Variants in MX2 observed in about 807,000 individuals in gnomAD.
MX2 encodes the protein MX dynamin like GTPase 2, also known as interferon-induced GTP-binding protein Mx2.
In MX2, 51 loss-of-function variants were observed where a neutral mutation model predicts 74.0. The ratio of observed to expected loss-of-function variants is 0.69; its 90% CI spans 0.55 to 0.87. The LOEUF is 0.87. MX2 is among the 40% of genes least tolerant of loss of function. The probability of loss-of-function intolerance (pLI) is 0.00; values close to 1 mark genes in which losing one functional copy is unlikely to be tolerated. For missense variants in MX2, 832 were observed against 908.7 expected (o/e 0.92, Z 1.09); for synonymous variants, 369 against 339.3 (o/e 1.09, Z -0.96).
rs1378862046 is a variant in MX2 at position 41,379,685 on chromosome 21, G to A, written c.443-332G>A. Among the ~76,000 whole-genome samples, 3 of 152,196 alleles carry A rather than the reference G, an allele frequency of 2.0e-5. No individual in the cohort carries two copies. The East Asian group carries it at 5.8e-4, about 29-fold the overall frequency. ...ACGGGGAGCCTGGACATGTACCGGA[G>A]CCCCAGCATCTGCCTCCATCACTTC... On this transcript the variant is annotated intron_variant, in intron 3 of 13. Transcript: ENST00000330714.
chr21:41,407,880 G>A, intron 13 of MX2, 111 bp from the exon 14 acceptor site: 1 of 1,425,126 alleles, frequency 7.0e-7, no homozygotes, highest in Non-Finnish European at 9.6e-7. Flanking sequence ...GAGACCACCA[G>A]GGCTTCGCCA....
In MX2 at chr21:41,399,700, G is replaced by A. The variant is rs2089785994; in HGVS notation, c.1414+363G>A. 2.7e-5 allele frequency: 5 copies of A among 187,898 alleles called. No homozygotes were observed. The South Asian group carries it at 5.7e-4, about 21-fold the overall frequency. 11.6% of individuals were successfully genotyped at this position (187,898 alleles called of 1,614,324 possible). On this transcript the variant is annotated intron_variant, in intron 10 of 13. Coordinates refer to ENST00000330714, the MANE Select transcript of MX2 (RefSeq NM_002463.2). The stretch of plus-strand genomic sequence containing the variant: ...CCCACCTCAGCCTCCTGAGTAGTTG[G>A]GACCACAGGCATGAACCACCATACC...
In MX2 at chr21:41,395,533, C is replaced by T. The variant is rs1362189803; in HGVS notation, c.872-54C>T. ...AGCCCATAGTCCAGTAGGAGTCAAA[C>T]CTGTTTGAGGGGATCACTGACCTTT... is the stretch of plus-strand genomic sequence containing the variant. On this transcript the variant is annotated intron_variant, in intron 6 of 13. Coordinates refer to ENST00000330714, the MANE Select transcript of MX2 (RefSeq NM_002463.2). The T allele has an allele frequency of 1.4e-5, 22 of 1,577,360 alleles. No homozygotes were observed. In the South Asian group the frequency reaches 2.2e-4, roughly 16 times the overall value.
chr21:41,408,317 G>C lies in MX2; in HGVS notation c.*84G>C. On this transcript the variant is annotated 3_prime_UTR_variant, in exon 14 of 14. Transcript: ENST00000330714. ...GGTGCAGGATGCCGCTTCTGCTTTG[G>C]GGCCAAACTCTTCTGTCACTATCAG... The C allele has an allele frequency of 6.5e-7, 1 of 1,539,728 alleles. No individual in the cohort carries two copies. The highest frequency in any genetic ancestry group is 1.2e-5 in the South Asian group (1 of 80,456).
At chr21:41,390,485 A>ATGCC (rs1470465559) in intron 5 of MX2, 80 bp from the exon 6 acceptor site, 4 of 1,586,822 alleles carry the variant, frequency 2.5e-6, no homozygotes, top group Middle Eastern at 1.7e-4. Flanking sequence ...TTGCGCCATC[A>ATGCC]TGCCTGCCTG....
rs190909410 is a variant in MX2, at chr21:41,379,637, A to G, written c.443-380A>G. Among the ~76,000 whole-genome samples the G allele has an allele frequency of 3.6e-3, 541 of 152,134 alleles. 2 individuals carry two copies. Among genetic ancestry groups the G allele is most frequent in the African/African-American group, 0.012 (491 of 41,496 alleles). ...ACAGGGCCTGGGGCAGACACCTGAC[A>G]TGCTGACTCCAGCTGCAGAAAGACG... On this transcript the variant is annotated intron_variant, in intron 3 of 13. Coordinates refer to ENST00000330714, the MANE Select transcript of MX2 (RefSeq NM_002463.2).
Position 41,376,984 on chromosome 21 carries a change from G to T in MX2, c.78G>T (p.Met26Ile). 2 of 1,614,110 alleles carry T rather than the reference G, an allele frequency of 1.2e-6. No individual in the cohort carries two copies. The highest frequency in any genetic ancestry group is 2.2e-5 in the South Asian group (2 of 91,082). The change falls in exon 2 of 14, where the codon ATG becomes ATT. Residue 26 changes from methionine to isoleucine, a missense_variant. By Grantham distance (10) the Met-to-Ile change is conservative (BLOSUM62 1). Coordinates refer to ENST00000330714, the MANE Select transcript of MX2 (RefSeq NM_002463.2). ...FSSRKYLKKEMNSFQQQPPPF... is the reference protein window; with the variant it reads ...FSSRKYLKKEINSFQQQPPPF... ...CTCGAAAATACCTGAAAAAAGAAAT[G>T]AATTCCTTCCAGCAACAGCCACCGC... is the stretch of plus-strand genomic sequence containing the variant.
intron 1 of MX2, chr21:41,367,054 C>T (rs1009572618): frequency 6.6e-6 from 1 of 152,234 alleles, no homozygotes; most frequent in South Asian, 2.1e-4. Context: ...CACGTGAGAA[C>T]TAAGGGCCGC....
intron 5 of MX2, among the ~76,000 whole-genome samples, chr21:41,389,056 G>A (rs1197229110): frequency 6.6e-6 from 1 of 152,154 alleles, no homozygotes; most frequent in Non-Finnish European, 1.5e-5. Context: ...GCAGACATCA[G>A]CAGGACAGCC....
At chr21:41,399,074 C>T (rs1374521895) in intron 9 of MX2, 55 bp downstream of exon 9, 2 of 1,596,706 alleles carry the variant, frequency 1.3e-6, no homozygotes, top group East Asian at 2.2e-5. Context: ...GGTGGCCCTG[C>T]AGCTGCCCTT....
rs185117959 is a variant in MX2, at chr21:41,408,267, G to C, written c.*34G>C. 1 of 1,608,720 alleles carries C rather than the reference G, an allele frequency of 6.2e-7. No homozygotes were observed. The highest frequency in any genetic ancestry group is 1.3e-5 in the African/African-American group (1 of 74,842). ...GATGCCTGTGGTTGTTTTCTTGTGC[G>C]TACTCATTCATTCTAAGGGGAGTCG... On this transcript the variant is annotated 3_prime_UTR_variant, in exon 14 of 14. Coordinates refer to ENST00000330714, the MANE Select transcript of MX2 (RefSeq NM_002463.2).
intron 12 of MX2, chr21:41,403,747 G>A (rs1191430354): frequency 2.2e-6 from 1 of 444,898 alleles, no homozygotes; most frequent in East Asian, 7.0e-5. Context: ...TTTCTACTTA[G>A]CAACTCTTCC....
chr21:41,396,462 G>A (rs2089736272), intron 7 of MX2, among the ~76,000 whole-genome samples: 1 of 126,110 alleles, frequency 7.9e-6, no homozygotes, highest in South Asian at 2.9e-4. Flanking sequence ...GGTCACTCCT[G>A]CTTGAAGGAG....
At chr21:41,371,253 G>C (rs1173740803) in intron 1 of MX2, among the ~76,000 whole-genome samples, 2 of 152,130 alleles carry the variant, frequency 1.3e-5, no homozygotes, top group Non-Finnish European at 2.9e-5. Flanking sequence ...CTTAGTTTTT[G>C]CATCTGGAGG....
chr21:41,387,353 C>T (rs557819028), intron 5 of MX2, among the ~76,000 whole-genome samples: 1 of 152,290 alleles, frequency 6.6e-6, no homozygotes, highest in South Asian at 2.1e-4. Context: ...CGATTTGTCT[C>T]CCCAGACTGT....
At chr21:41,362,511 G>T (rs1452200722) in intron 1 of MX2, among the ~76,000 whole-genome samples, 3 of 151,974 alleles carry the variant, frequency 2.0e-5, no homozygotes, top group Admixed American at 6.6e-5. Flanking sequence ...TGGGAAATTG[G>T]CTCTCATGGG....
intron 1 of MX2, among the ~76,000 whole-genome samples, chr21:41,369,353 G>A (rs1157139774): frequency 6.6e-6 from 1 of 152,178 alleles, no homozygotes; most frequent in Non-Finnish European, 1.5e-5. Context: ...TGGCTCTGCT[G>A]GAAGATCCGC....
chr21:41,381,503 G>A (rs2089491860), intron 4 of MX2, among the ~76,000 whole-genome samples: 1 of 152,052 alleles, frequency 6.6e-6, no homozygotes, highest in Admixed American at 6.6e-5. Flanking sequence ...GGCTAACATG[G>A]TGAAACCCCG....
Position 41,401,734 on chromosome 21 carries a change from T to C in MX2, c.1415-236T>C, listed in dbSNP as rs1426660605. 2.4e-5 allele frequency: 10 copies of C among 411,702 alleles called. No individual in the cohort carries two copies. In the East Asian group the frequency reaches 3.7e-4, roughly 15 times the overall value. The allele number at this position is 411,702 out of a possible 1,614,324, so 25.5% of individuals were successfully genotyped here. ...AGAAACAATAGCTTCTCTCTTGGGGTGATGACTTTCAATTGAAACACATTT... is the reference window on the plus strand; with the variant it reads ...AGAAACAATAGCTTCTCTCTTGGGGCGATGACTTTCAATTGAAACACATTT... On this transcript the variant is annotated intron_variant, in intron 10 of 13. Coordinates refer to ENST00000330714, the MANE Select transcript of MX2 (RefSeq NM_002463.2).
Sources: allele counts gnomAD v4.1 joint callset (sites outside exome capture counted in the v4.1 genomes callset), GRCh38; gene constraint gnomAD v4.1.1; transcripts MANE v1.5; gene names NCBI Gene and HGNC (gene_info 2026-07-23, HGNC 2026-07-21).